GPR39: variants seen among roughly 807,000 people sequenced by gnomAD.
The protein encoded by GPR39 is G protein-coupled receptor 39.
Under a neutral mutation model 18.4 loss-of-function variants are expected in GPR39, and 23 were observed. The ratio of observed to expected loss-of-function variants is 1.25; its 90% confidence interval spans 0.90 to 1.77. The LOEUF (loss-of-function observed/expected upper bound fraction) is 1.77, where lower values mean the gene tolerates loss of function less well. Among genes scored for constraint, GPR39 ranks in the 40% most tolerant of loss-of-function variants. GPR39 has a pLI of 0.00. For synonymous variants in GPR39, 280 were observed against 257.9 expected, an observed-to-expected ratio of 1.09 and a Z score of -0.82; for missense variants, 647 against 602.4, an observed-to-expected ratio of 1.07 and a Z score of -0.78.
chr2:132,427,125 T>G (rs1680134829), intron 1 of GPR39, among the ~76,000 whole-genome samples: 1 of 65,978 alleles, frequency 1.5e-5, no homozygotes, highest in Non-Finnish European at 3.0e-5. Flanking sequence ...TATACATATA[T>G]AGGTACATAT....
At chr2:132,592,905 C>G (rs1440878351) in intron 1 of GPR39, among the ~76,000 whole-genome samples, 2 of 152,090 alleles carry the variant, frequency 1.3e-5, no homozygotes, top group East Asian at 3.9e-4. Context: ...GAGACAGCAG[C>G]TATAAATTCA....
chr2:132,457,002 T>C (rs1405693172), intron 1 of GPR39, among the ~76,000 whole-genome samples: 1 of 152,230 alleles, frequency 6.6e-6, no homozygotes, highest in Non-Finnish European at 1.5e-5. Flanking sequence ...ATTCTTTATA[T>C]TTCCTGAATT....
At chr2:132,485,080 G>A (rs996466976) in intron 1 of GPR39, among the ~76,000 whole-genome samples, 2 of 152,152 alleles carry the variant, frequency 1.3e-5, no homozygotes, top group African/African-American at 4.8e-5. Context: ...TGGAGACATC[G>A]CAGGTTCAAT....
chr2:132,557,995 G>A (rs564784889), intron 1 of GPR39, among the ~76,000 whole-genome samples: 1 of 151,456 alleles, frequency 6.6e-6, no homozygotes, highest in Admixed American at 6.6e-5. Context: ...TGGTGGTGGG[G>A]TGGGGGTGGT....
chr2:132,620,951 A>G (rs750386034), intron 1 of GPR39, among the ~76,000 whole-genome samples: 48 of 151,984 alleles, frequency 3.2e-4, no homozygotes, highest in Non-Finnish European at 5.0e-4. Flanking sequence ...ACGGGGTTTC[A>G]TTGTGTTAGC....
Position 132,645,664 on chromosome 2 carries a change from C to G in GPR39, c.*58C>G. Reference sequence around the variant, plus strand: ...GCCCTCCAGCCCTAAGAAAACGTCACTCTCACTCTGCAGTCTCAAACTATG... The same window carrying G: ...GCCCTCCAGCCCTAAGAAAACGTCAGTCTCACTCTGCAGTCTCAAACTATG... On this transcript the variant is annotated 3_prime_UTR_variant, in exon 2 of 2. Coordinates refer to ENST00000329321, the MANE Select transcript of GPR39 (RefSeq NM_001508.3). 11 of 1,556,844 alleles carry G rather than the reference C, an allele frequency of 7.1e-6. No individual in the cohort carries two copies. The highest frequency in any genetic ancestry group is 9.5e-6 in the Non-Finnish European group (11 of 1,153,576).
intron 1 of GPR39, among the ~76,000 whole-genome samples, chr2:132,578,243 C>G (rs1244310441): frequency 2.0e-5 from 3 of 152,028 alleles, no homozygotes; most frequent in East Asian, 3.9e-4. Context: ...GCTTACTGCT[C>G]ATGATGCACA....
rs1680509612 is a variant in GPR39 at position 132,575,241 on chromosome 2, A to AT, written c.857-69855dup. Among the ~76,000 whole-genome samples, 11 of 152,266 alleles carry AT rather than the reference A, an allele frequency of 7.2e-5. No homozygotes were observed. In the South Asian group the frequency reaches 2.3e-3, roughly 32 times the overall value. ...ACTTTACAGTCAGATCTATCTTTCC[A>AT]TTTTTAATTTAATCCATTGATTTTA... On this transcript the variant is annotated intron_variant, in intron 1 of 1. Coordinates refer to ENST00000329321, the MANE Select transcript of GPR39 (RefSeq NM_001508.3).
chr2:132,463,332 G>A (rs904068370), intron 1 of GPR39, among the ~76,000 whole-genome samples: 1 of 149,452 alleles, frequency 6.7e-6, no homozygotes, highest in Non-Finnish European at 1.5e-5. Context: ...TATTACAGGG[G>A]TGGTGTGAGG....
chr2:132,435,394 C>T (rs1680295247), intron 1 of GPR39, among the ~76,000 whole-genome samples: 1 of 152,180 alleles, frequency 6.6e-6, no homozygotes. Context: ...TATACTTTCT[C>T]TTCTCTATGA....
At chr2:132,520,132 T>C (rs2104766054) in intron 1 of GPR39, among the ~76,000 whole-genome samples, 1 of 152,228 alleles carries the variant, frequency 6.6e-6, no homozygotes, top group Non-Finnish European at 1.5e-5. Flanking sequence ...CTGTAATCAT[T>C]CCTTTCCTCC....
chr2:132,447,720 A>G (rs1048712936), intron 1 of GPR39, among the ~76,000 whole-genome samples: 5 of 152,226 alleles, frequency 3.3e-5, no homozygotes, highest in African/African-American at 7.2e-5. Context: ...CATTAAGTTT[A>G]GCAACTGAAG....
At chr2:132,555,754 C>A (rs573252519) in intron 1 of GPR39, among the ~76,000 whole-genome samples, 1 of 152,210 alleles carries the variant, frequency 6.6e-6, no homozygotes, top group Admixed American at 6.5e-5. Context: ...TCAAGGCTGA[C>A]TATGACACAG....
chr2:132,493,054 T>C (rs1681532590), intron 1 of GPR39, among the ~76,000 whole-genome samples: 1 of 105,510 alleles, frequency 9.5e-6, no homozygotes, highest in Non-Finnish European at 1.9e-5. Flanking sequence ...ATATATACCA[T>C]ATATACACCA....
chr2:132,437,157 T>C (rs970994260), intron 1 of GPR39, among the ~76,000 whole-genome samples: 6 of 152,116 alleles, frequency 3.9e-5, no homozygotes, highest in African/African-American at 1.4e-4. Context: ...AGCAAGACAA[T>C]ACACACACAT....
chr2:132,565,359 T>C (rs1680330226), intron 1 of GPR39, among the ~76,000 whole-genome samples: 1 of 151,698 alleles, frequency 6.6e-6, no homozygotes, highest in African/African-American at 2.4e-5. Flanking sequence ...TTGTCTCATT[T>C]AGATTCTTTA....
chr2:132,436,976 G>T (rs11687606), intron 1 of GPR39, among the ~76,000 whole-genome samples: 23,902 of 152,164 alleles, frequency 0.16, 2,115 homozygotes, highest in African/African-American at 0.24. Flanking sequence ...TATGAGGCAG[G>T]TGCAGTTAAT....
intron 1 of GPR39, among the ~76,000 whole-genome samples, chr2:132,526,258 A>G (rs1679506262): frequency 6.6e-6 from 1 of 152,098 alleles, no homozygotes; most frequent in Non-Finnish European, 1.5e-5. Flanking sequence ...AAAATCTGGG[A>G]AATTTTGAAT....
At chr2:132,491,562 C>A (rs1246023410) in intron 1 of GPR39, among the ~76,000 whole-genome samples, 3 of 151,644 alleles carry the variant, frequency 2.0e-5, no homozygotes, top group Non-Finnish European at 4.4e-5. Flanking sequence ...ATGCAATGAC[C>A]AAAGGCTTGA....
Sources: gnomAD v4.1 joint callset for allele counts (sites outside exome capture counted in the v4.1 genomes callset) on GRCh38, gnomAD v4.1.1 for gene constraint, MANE v1.5 for transcripts, NCBI Gene and HGNC (gene_info 2026-07-23, HGNC 2026-07-21) for gene names.